Variants in KIF26B observed in about 807,000 individuals in gnomAD.
The protein encoded by KIF26B is kinesin-like protein KIF26B.
KIF26B carries 63 observed loss-of-function variants against 151.2 expected under a neutral mutation model. The ratio of observed to expected loss-of-function variants is 0.42; its 90% CI spans 0.34 to 0.51. The LOEUF (loss-of-function observed/expected upper bound fraction) is 0.51. Among genes scored for constraint, KIF26B ranks in the 20% least tolerant of loss-of-function variants. KIF26B has a pLI of 0.07. For missense variants in KIF26B, 2,813 were observed against 2,913.6 expected (o/e 0.97, Z 0.79); for synonymous variants, 1,357 against 1,262.1 (o/e 1.08, Z -1.59).
At chr1:245,289,771 CAAAG>C (rs1671226240) in intron 2 of KIF26B, among the ~76,000 whole-genome samples, 1 of 152,110 alleles carries the variant, frequency 6.6e-6, no homozygotes, top group South Asian at 2.1e-4. Context: ...AAAAGACCAA[CAAAG>C]AGAGGAACAA....
At chr1:245,670,119 A>G (rs1483170011) in intron 10 of KIF26B, among the ~76,000 whole-genome samples, 2 of 152,082 alleles carry the variant, frequency 1.3e-5, no homozygotes, top group Non-Finnish European at 2.9e-5. Flanking sequence ...TGGACCCCTA[A>G]AGCTATTAAA....
At chr1:245,662,435 GATAT>G (rs61475459) in intron 10 of KIF26B, among the ~76,000 whole-genome samples, 1,945 of 140,076 alleles carry the variant, frequency 0.014, 64 homozygotes, top group African/African-American at 0.049. Context: ...ACACATACCC[GATAT>G]ATATATATAT....
intron 2 of KIF26B, among the ~76,000 whole-genome samples, chr1:245,187,233 A>G (rs1669015825): frequency 6.6e-6 from 1 of 152,242 alleles, no homozygotes; most frequent in African/African-American, 2.4e-5. Flanking sequence ...GGAGGCCATT[A>G]TCTTAAGTGG....
intron 4 of KIF26B, among the ~76,000 whole-genome samples, chr1:245,435,915 C>G (rs545953293): frequency 6.6e-6 from 1 of 152,126 alleles, no homozygotes; most frequent in Non-Finnish European, 1.5e-5. Context: ...CAGTGGCTCA[C>G]GCCTGTAAAT....
intron 4 of KIF26B, among the ~76,000 whole-genome samples, chr1:245,443,051 T>A (rs74783509): frequency 1.3e-3 from 32 of 24,740 alleles, no homozygotes; most frequent in Non-Finnish European, 1.7e-3. Flanking sequence ...TCACCTAGAG[T>A]GGTCATCTCC....
At chr1:245,359,850 T>A (rs1672777488) in intron 2 of KIF26B, among the ~76,000 whole-genome samples, 1 of 150,824 alleles carries the variant, frequency 6.6e-6, no homozygotes, top group South Asian at 2.1e-4. Context: ...CCCAGCCTAT[T>A]GTGATTTCTT....
rs1660321549 is a variant in KIF26B at position 245,488,106 on chromosome 1, A to G, written c.1167-52661A>G. Among the ~76,000 whole-genome samples the G allele has an allele frequency of 1.3e-5, 2 of 152,094 alleles. No individual in the cohort carries two copies. The highest frequency in any genetic ancestry group is 2.9e-5 in the Non-Finnish European group (2 of 68,020). On this transcript the variant is annotated intron_variant, in intron 4 of 14. Coordinates refer to ENST00000407071, the MANE Select transcript of KIF26B (RefSeq NM_018012.4). This position sits in a 1 kb window ranked among gnomAD's most constrained non-coding sequence, Gnocchi z 4.6. ...CCCGGCCATGTATCTTTTTAAGTAC[A>G]GGTGGAGGTCTCATTATGTTGCACA...
chr1:245,297,162 G>A (rs1377114290), intron 2 of KIF26B, among the ~76,000 whole-genome samples: 1 of 152,132 alleles, frequency 6.6e-6, no homozygotes, highest in African/African-American at 2.4e-5. Flanking sequence ...GGCCAACATG[G>A]TGAAACCCCA....
At chr1:245,447,567 C>T (rs138772855) in intron 4 of KIF26B, among the ~76,000 whole-genome samples, 117 of 152,164 alleles carry the variant, frequency 7.7e-4, no homozygotes, top group African/African-American at 2.7e-3. Context: ...TCCCTCCCTT[C>T]GAGGTGGGAG....
chr1:245,435,057 ATCCATCC>A (rs1225811545), intron 4 of KIF26B, among the ~76,000 whole-genome samples: 1 of 17,984 alleles, frequency 5.6e-5, no homozygotes, highest in East Asian at 5.6e-3. Context: ...CCATCTCTCC[ATCCATCC>A]ATCCATCCAT....
chr1:245,303,010 A>AG (rs1558381427), intron 2 of KIF26B, among the ~76,000 whole-genome samples: 1 of 149,064 alleles, frequency 6.7e-6, no homozygotes, highest in Admixed American at 6.7e-5. Flanking sequence ...AAAAAAAAAA[A>AG]AAAGAAAGAA....
chr1:245,532,334 C>T (rs893574390), intron 4 of KIF26B, among the ~76,000 whole-genome samples: 5 of 150,306 alleles, frequency 3.3e-5, no homozygotes, highest in African/African-American at 7.3e-5. Flanking sequence ...CAAGCTCTGC[C>T]TCCCGGGTTC....
At chr1:245,282,815 T>A in intron 2 of KIF26B, 4 of 174,696 alleles carry the variant, frequency 2.3e-5, no homozygotes, top group Non-Finnish European at 2.6e-5. Flanking sequence ...TCCGCTCCTT[T>A]AAAAAAAAAG....
chr1:245,192,685 T>A (rs1669129806), intron 2 of KIF26B, among the ~76,000 whole-genome samples: 1 of 152,172 alleles, frequency 6.6e-6, no homozygotes, highest in Admixed American at 6.5e-5. Context: ...AACTCTTCCT[T>A]CTTGGGGAGA....
chr1:245,696,695 C>T (rs1246040036), intron 12 of KIF26B, among the ~76,000 whole-genome samples: 1 of 152,222 alleles, frequency 6.6e-6, no homozygotes, highest in African/African-American at 2.4e-5. Flanking sequence ...GCTAAGGAGA[C>T]AGACATTTGC....
chr1:245,609,510 C>A lies in KIF26B; in HGVS notation c.1896C>A (p.Asp632Glu). 6.4e-7 allele frequency: 1 copy of A among 1,564,800 alleles called. No homozygotes were observed. Among genetic ancestry groups the A allele is most frequent in the Admixed American group, 1.8e-5 (1 of 54,354 alleles). ...CCCCGGGCGTGTACCTCTGTGAGGACCCCATCTGCGGCACGCAGGTGATTG... is the reference window on the plus strand; with the variant it reads ...CCCCGGGCGTGTACCTCTGTGAGGAACCCATCTGCGGCACGCAGGTGATTG... ...GQSPGVYLCE[D>E]PICGTQLQNQ... The change falls in exon 8 of 15, where the codon GAC becomes GAA. Residue 632 changes from aspartate to glutamate, a missense_variant. Transcript: ENST00000407071.
In KIF26B at chr1:245,367,254, A is replaced by G. The variant is rs1161065931; in HGVS notation, c.886A>G (p.Thr296Ala). 2 of 1,607,234 alleles carry G rather than the reference A, an allele frequency of 1.2e-6. No homozygotes were observed. Among genetic ancestry groups the G allele is most frequent in the Non-Finnish European group, 1.7e-6 (2 of 1,176,968 alleles). ...HQAKVSLQMA[T>A]SPSNGNILNS... ...GGCCAAGGTCAGCCTCCAGATGGCC[A>G]CCAGTCCAAGCAATGGGAACATCCT... Residue 296 changes from threonine (T) to alanine (A), a missense_variant, in exon 3 of 15, where the codon ACC (threonine) becomes GCC (alanine). Thr to Ala is a moderately conservative substitution (Grantham distance 58, BLOSUM62 0). Around this residue, in one of 3 missense-constraint regions of KIF26B, gnomAD observed 676 missense variants for 688.1 expected, o/e 0.98. Coordinates refer to ENST00000407071, the MANE Select transcript of KIF26B (RefSeq NM_018012.4). This position sits in a 1 kb window ranked among gnomAD's most constrained non-coding sequence, Gnocchi z 4.2.
intron 2 of KIF26B, among the ~76,000 whole-genome samples, chr1:245,193,643 C>T (rs1317092726): frequency 1.3e-5 from 2 of 152,214 alleles, no homozygotes; most frequent in East Asian, 1.9e-4. Context: ...TTAATGTTCA[C>T]AGCAATCCTC....
chr1:245,519,950 A>G (rs542035224), intron 4 of KIF26B, among the ~76,000 whole-genome samples: 2 of 152,338 alleles, frequency 1.3e-5, no homozygotes, highest in South Asian at 2.1e-4. Flanking sequence ...TTAAAATTGA[A>G]TTGTTGAATT....
Sources: allele counts gnomAD v4.1 joint callset (sites outside exome capture counted in the v4.1 genomes callset), GRCh38; gene constraint gnomAD v4.1.1; regional missense constraint gnomAD v4.1.1; non-coding constraint Gnocchi (gnomAD v3.1); transcripts MANE v1.5; gene names NCBI Gene and HGNC (gene_info 2026-07-23, HGNC 2026-07-21).